Variants in NTRK2 observed in about 807,000 individuals in gnomAD.
NTRK2 encodes neurotrophic receptor tyrosine kinase 2.
Under a neutral mutation model 94.5 loss-of-function variants are expected in NTRK2, and 13 were observed. That is an observed-to-expected ratio of 0.14 (90% CI 0.09 to 0.22). NTRK2 has a LOEUF of 0.22. Among genes scored for constraint, NTRK2 ranks in the 10% least tolerant of loss-of-function variants. The probability of loss-of-function intolerance (pLI) is 1.00; values close to 1 mark genes in which losing one functional copy is unlikely to be tolerated. For missense variants in NTRK2, 639 were observed against 1,071.2 expected (o/e 0.60, Z 5.63); for synonymous variants, 372 against 407.4 (o/e 0.91, Z 1.05).
chr9:84,783,753 A>G (rs186097970), intron 12 of NTRK2, among the ~76,000 whole-genome samples: 112 of 152,118 alleles, frequency 7.4e-4, no homozygotes, highest in African/African-American at 2.4e-3. Context: ...TACATTTGCT[A>G]GGAGTCTGGT....
intron 12 of NTRK2, among the ~76,000 whole-genome samples, chr9:84,821,586 G>A (rs891090276): frequency 3.3e-5 from 5 of 152,116 alleles, no homozygotes; most frequent in Admixed American, 6.6e-5. Flanking sequence ...TTGGTGTTCC[G>A]TTCTGAGCTC....
At chr9:84,914,322 G>T (rs1017426243) in intron 14 of NTRK2, among the ~76,000 whole-genome samples, 7 of 151,938 alleles carry the variant, frequency 4.6e-5, no homozygotes, top group Admixed American at 1.3e-4. Context: ...CTGTCATCTT[G>T]GTGTTGGCAT....
intron 12 of NTRK2, among the ~76,000 whole-genome samples, chr9:84,796,694 TGGGTTGGTGGAATATTA>T (rs2069367499): frequency 6.6e-6 from 1 of 152,178 alleles, no homozygotes; most frequent in South Asian, 2.1e-4. Context: ...AGTGAGGAAT[TGGGTTGGTGGAATATTA>T]GGGTATCTTT....
chr9:84,749,147 G>C (rs1198292525), intron 11 of NTRK2, among the ~76,000 whole-genome samples: 4 of 152,098 alleles, frequency 2.6e-5, no homozygotes, highest in African/African-American at 9.7e-5. Flanking sequence ...AGAATCACTT[G>C]AACCTAGGAG....
chr9:84,827,787 G>C (rs2073282947), intron 12 of NTRK2, among the ~76,000 whole-genome samples: 2 of 152,182 alleles, frequency 1.3e-5, no homozygotes, highest in African/African-American at 4.8e-5. Context: ...ATTCCTAGGT[G>C]CTTCACCTCT....
At chr9:84,725,937 T>A (rs1318436806) in intron 8 of NTRK2, among the ~76,000 whole-genome samples, 1 of 152,180 alleles carries the variant, frequency 6.6e-6, no homozygotes, top group Non-Finnish European at 1.5e-5. Flanking sequence ...CACTGGTAAC[T>A]GGAAATCTTT....
chr9:84,892,569 G>A (rs2076625226), intron 14 of NTRK2, among the ~76,000 whole-genome samples: 1 of 152,186 alleles, frequency 6.6e-6, no homozygotes, highest in South Asian at 2.1e-4. Flanking sequence ...ATTTCTAGAA[G>A]CAATTCAGAA....
At chr9:85,019,962 C>A (rs1016414820) in intron 17 of NTRK2, among the ~76,000 whole-genome samples, 3 of 152,106 alleles carry the variant, frequency 2.0e-5, no homozygotes, top group Non-Finnish European at 2.9e-5. Flanking sequence ...AATCATCATC[C>A]CTGCTCCTAT....
At chr9:84,805,123 C>T (rs2070960783) in intron 12 of NTRK2, among the ~76,000 whole-genome samples, 1 of 152,224 alleles carries the variant, frequency 6.6e-6, no homozygotes, top group Non-Finnish European at 1.5e-5. Context: ...CTGATTAGAG[C>T]ACATTCCCCT....
chr9:84,833,921 A>G (rs1241058139), intron 12 of NTRK2, among the ~76,000 whole-genome samples: 2 of 152,180 alleles, frequency 1.3e-5, no homozygotes, highest in Non-Finnish European at 2.9e-5. Flanking sequence ...CTGTGCAGCA[A>G]GGGTGAGAAT....
chr9:85,021,444 T>A lies in NTRK2; in HGVS notation c.*7T>A, dbSNP rs376816242. ...CCTGGACATTCTAGGCTAGGGCCCTTTTCCCCAGACCGATCCTTCCCAACG... is the reference window on the plus strand; with the variant it reads ...CCTGGACATTCTAGGCTAGGGCCCTATTCCCCAGACCGATCCTTCCCAACG... On this transcript the variant is annotated 3_prime_UTR_variant, in exon 19 of 19. Transcript: ENST00000277120. The A allele has an allele frequency of 9.9e-6, 16 of 1,613,946 alleles. No individual in the cohort carries two copies. In the African/African-American group the frequency reaches 1.6e-4, roughly 16 times the overall value.
At chr9:84,779,965 A>G (rs2067405478) in intron 12 of NTRK2, among the ~76,000 whole-genome samples, 1 of 152,128 alleles carries the variant, frequency 6.6e-6, no homozygotes, top group Non-Finnish European at 1.5e-5. Flanking sequence ...AACAACCCAC[A>G]CCACTAGTGG....
chr9:84,744,966 A>G lies in NTRK2; in HGVS notation c.1196-7A>G, dbSNP rs779324570. 1 of 1,607,386 alleles carries G rather than the reference A, an allele frequency of 6.2e-7. No individual in the cohort carries two copies. Among genetic ancestry groups the G allele is most frequent in the Non-Finnish European group, 8.5e-7 (1 of 1,174,154 alleles). On this transcript the variant is annotated splice_region_variant and splice_polypyrimidine_tract_variant and intron_variant, in intron 10 of 18. Coordinates refer to ENST00000277120, the MANE Select transcript of NTRK2 (RefSeq NM_006180.6). Reference sequence around the variant, plus strand: ...GTTCTTCCTCATTCCCCCTTTGCCCACTTAAGATTATGGAACTGCAGCGAA... The same window carrying G: ...GTTCTTCCTCATTCCCCCTTTGCCCGCTTAAGATTATGGAACTGCAGCGAA...
intron 9 of NTRK2, among the ~76,000 whole-genome samples, chr9:84,738,560 G>A (rs1239834849): frequency 1.3e-5 from 2 of 152,212 alleles, no homozygotes; most frequent in Non-Finnish European, 2.9e-5. Context: ...CTTACTGTTG[G>A]AGTGTAAATA....
intron 9 of NTRK2, among the ~76,000 whole-genome samples, chr9:84,736,288 C>T (rs1289779354): frequency 6.6e-6 from 1 of 152,198 alleles, no homozygotes; most frequent in Non-Finnish European, 1.5e-5. Flanking sequence ...TTCGGGAGCT[C>T]CTGTCTCCTA....
intron 14 of NTRK2, among the ~76,000 whole-genome samples, chr9:84,913,919 A>T (rs2077318447): frequency 6.6e-6 from 1 of 151,620 alleles, no homozygotes; most frequent in East Asian, 1.9e-4. Flanking sequence ...TTTGACTCTG[A>T]TGACATAAAT....
At chr9:84,957,831 GA>G (rs1211167123) in intron 17 of NTRK2, among the ~76,000 whole-genome samples, 9 of 152,198 alleles carry the variant, frequency 5.9e-5, no homozygotes, top group African/African-American at 2.2e-4. Flanking sequence ...CTAAAAAGTG[GA>G]AACAAGTTTA....
At chr9:84,797,775 TAA>T (rs1491277981) in intron 12 of NTRK2, among the ~76,000 whole-genome samples, 20 of 69,862 alleles carry the variant, frequency 2.9e-4, no homozygotes, top group African/African-American at 1.1e-3. Context: ...ATAATATATA[TAA>T]TATATATTAT....
chr9:84,897,370 C>T (rs929101540), intron 14 of NTRK2, among the ~76,000 whole-genome samples: 8 of 152,266 alleles, frequency 5.3e-5, no homozygotes, highest in South Asian at 4.1e-4. Flanking sequence ...CTCCTGAACT[C>T]GTGATCTGCC....
Sources: gnomAD v4.1 joint callset for allele counts (sites outside exome capture counted in the v4.1 genomes callset) on GRCh38, gnomAD v4.1.1 for gene constraint, MANE v1.5 for transcripts, NCBI Gene and HGNC (gene_info 2026-07-23, HGNC 2026-07-21) for gene names.